The following ACBD6 variants were observed in gnomAD, a reference collection of about 807,000 sequenced individuals.
ACBD6 encodes the protein acyl-CoA binding domain containing 6, also known as acyl-CoA-binding domain-containing protein 6.
A neutral mutation model predicts 37.2 loss-of-function variants in ACBD6; 28 were observed. The observed-to-expected ratio is 0.75, with a 90% CI of 0.56 to 1.03. ACBD6 has a LOEUF of 1.03. Among genes scored for constraint, ACBD6 ranks in the 50% least tolerant of loss-of-function variants. The pLI is 0.00. For synonymous variants in ACBD6, 113 were observed against 126.8 expected, an observed-to-expected ratio of 0.89 and a Z score of 0.73; for missense variants, 340 against 337.4, an observed-to-expected ratio of 1.01 and a Z score of -0.06.
intron 3 of ACBD6, among the ~76,000 whole-genome samples, chr1:180,470,621 C>T (rs1282769327): frequency 6.6e-6 from 1 of 152,142 alleles, no homozygotes; most frequent in African/African-American, 2.4e-5. Flanking sequence ...TCAAACAGTG[C>T]CTAGAAGATC....
intron 3 of ACBD6, among the ~76,000 whole-genome samples, chr1:180,442,994 C>A (rs531416795): frequency 2.3e-3 from 263 of 111,972 alleles, no homozygotes; most frequent in African/African-American, 6.3e-3. Flanking sequence ...TTTTCCTGCC[C>A]CCACTTTTTT....
At chr1:180,423,868 A>G (rs1338321907) in intron 4 of ACBD6, among the ~76,000 whole-genome samples, 2 of 152,220 alleles carry the variant, frequency 1.3e-5, no homozygotes, top group African/African-American at 2.4e-5. Flanking sequence ...AAAAGTCTCT[A>G]CAGAGCTGAG....
rs375229732 is a variant in ACBD6 at position 180,318,169 on chromosome 1, C to A, written c.664-3447G>T. 8.8e-3 allele frequency among the ~76,000 whole-genome samples: 914 copies of A among 103,932 alleles called. 37 individuals are homozygous for A. Among genetic ancestry groups the A allele is most frequent in the African/African-American group, 0.031 (874 of 27,788 alleles). 68.2% of individuals were successfully genotyped at this position (103,932 alleles called of 152,430 possible). ...AGAGTAAGATTCCATCTCCGCCCCC[C>A]CCCCCCAAAAAAAAAAGAAAGAAAG... On this transcript the variant is annotated intron_variant, in intron 6 of 7. Coordinates refer to ENST00000367595, the MANE Select transcript of ACBD6 (RefSeq NM_032360.4).
rs546138019 is a variant in ACBD6 at position 180,380,990 on chromosome 1, A to G, written c.663+16526T>C. The stretch of plus-strand genomic sequence containing the variant: ...TACGAGAAACTCATCTCACCTGTAA[A>G]GACACATACAGCCTGAATATGAGAG... On this transcript the variant is annotated intron_variant, in intron 6 of 7. Coordinates refer to ENST00000367595, the MANE Select transcript of ACBD6 (RefSeq NM_032360.4). 1.1e-3 allele frequency among the ~76,000 whole-genome samples: 172 copies of G among 152,274 alleles called. 1 individual carries two copies. The highest frequency in any genetic ancestry group is 4.0e-3 in the African/African-American group (165 of 41,564).
intron 6 of ACBD6, among the ~76,000 whole-genome samples, chr1:180,343,614 C>T (rs1170473826): frequency 6.6e-6 from 1 of 152,202 alleles, no homozygotes; most frequent in East Asian, 1.9e-4. Flanking sequence ...CTGTCTCCCA[C>T]GACCTCCTTC....
At chr1:180,287,578 CTTTTTTTTTTTTT>C (rs72179174), downstream of ACBD6, among the ~76,000 whole-genome samples, 1 of 71,570 alleles carries the variant, frequency 1.4e-5, no homozygotes, top group Non-Finnish European at 2.8e-5. Flanking sequence ...CAGATCTAAG[CTTTTTTTTTTTTT>C]TTTTTTTTTT....
chr1:180,490,714 A>G (rs1046663339), intron 3 of ACBD6, among the ~76,000 whole-genome samples: 11 of 151,070 alleles, frequency 7.3e-5, no homozygotes, highest in Admixed American at 1.3e-4. Flanking sequence ...GGAACCCAGG[A>G]GGCAGAGCTT....
At chr1:180,455,702 A>G (rs1299966422) in intron 3 of ACBD6, among the ~76,000 whole-genome samples, 2 of 152,208 alleles carry the variant, frequency 1.3e-5, no homozygotes, top group East Asian at 1.9e-4. Flanking sequence ...ATCTAGAGCC[A>G]CTAGATTATG....
chr1:180,491,356 A>G (rs1290910864), intron 3 of ACBD6, among the ~76,000 whole-genome samples: 1 of 152,226 alleles, frequency 6.6e-6, no homozygotes, highest in Non-Finnish European at 1.5e-5. Flanking sequence ...ATATTCTTAA[A>G]TAGTAACCTC....
chr1:180,449,473 G>A (rs1201604963), intron 3 of ACBD6, among the ~76,000 whole-genome samples: 1 of 148,856 alleles, frequency 6.7e-6, no homozygotes, highest in Non-Finnish European at 1.5e-5. Flanking sequence ...TCAGTGGTGT[G>A]ATCTCAGCTC....
rs149104133 is a variant in ACBD6 at position 180,271,018 on chromosome 1, C to G, written c.*2207G>C. 3.7e-3 allele frequency: 1,279 copies of G among 344,950 alleles called. 5 individuals are homozygous for G. The highest frequency in any genetic ancestry group is 4.5e-3 in the Non-Finnish European group (796 of 176,342). The allele number at this position is 344,950 out of a possible 1,614,324, so 21.4% of individuals were successfully genotyped here. On this transcript the variant is annotated 3_prime_UTR_variant, in exon 14 of 14. Coordinates refer to the ACBD6 transcript ENST00000642319. The stretch of plus-strand genomic sequence containing the variant: ...TCAACCTGGCTGTTCACCTTCACAG[C>G]TCTGGCAAGAACTCATGAGGATGTG...
intron 3 of ACBD6, among the ~76,000 whole-genome samples, chr1:180,453,507 C>T (rs541546798): frequency 6.6e-6 from 1 of 152,352 alleles, no homozygotes; most frequent in East Asian, 1.9e-4. Context: ...TGCCCTCTCT[C>T]ACCACTCCTA....
At chr1:180,393,015 T>G (rs1451569501) in intron 6 of ACBD6, among the ~76,000 whole-genome samples, 1 of 152,214 alleles carries the variant, frequency 6.6e-6, no homozygotes, top group Non-Finnish European at 1.5e-5. Context: ...CCTTTTAATG[T>G]GCTTTGGGGG....
At chr1:180,451,545 A>G (rs921136840) in intron 3 of ACBD6, among the ~76,000 whole-genome samples, 11 of 152,256 alleles carry the variant, frequency 7.2e-5, no homozygotes, top group African/African-American at 2.2e-4. Flanking sequence ...CTACTCATCC[A>G]TAAAAAGGAA....
chr1:180,413,401 A>AT lies in ACBD6; in HGVS notation c.537dup (p.Ser180IlefsTer11). The stretch of plus-strand genomic sequence containing the variant: ...TTCACATTCACATCCACATTTTTCG[A>AT]TTTGATGGCTTTGGTTATATGGTCA... On this transcript the variant is annotated frameshift_variant, in exon 5 of 8. Transcript: ENST00000367595. LOFTEE classifies it high-confidence loss of function. 1 of 1,613,530 alleles carries AT rather than the reference A, an allele frequency of 6.2e-7. No homozygotes were observed.
At chr1:180,319,330 CCTCA>C (rs561473339) in intron 6 of ACBD6, among the ~76,000 whole-genome samples, 205 of 152,248 alleles carry the variant, frequency 1.3e-3, no homozygotes, top group African/African-American at 4.6e-3. Context: ...TTTAATTTTT[CCTCA>C]CTGTTTTTCT....
rs193049584 is a variant in ACBD6, at chr1:180,344,066, G to A, written c.664-29344C>T. Among the ~76,000 whole-genome samples, 60 of 152,316 alleles carry A rather than the reference G, an allele frequency of 3.9e-4. No homozygotes were observed. The East Asian group carries it at 8.3e-3, about 21-fold the overall frequency. Reference sequence around the variant, plus strand: ...GGCTCTGTATAGAAGAAGAATTCTAGCTGGTCTGAGAAAGCAATGAAAGGC... The same window carrying A: ...GGCTCTGTATAGAAGAAGAATTCTAACTGGTCTGAGAAAGCAATGAAAGGC... On this transcript the variant is annotated intron_variant, in intron 6 of 7. Coordinates refer to ENST00000367595, the MANE Select transcript of ACBD6 (RefSeq NM_032360.4).
At chr1:180,489,581 G>T (rs1487288239) in intron 3 of ACBD6, among the ~76,000 whole-genome samples, 1 of 150,812 alleles carries the variant, frequency 6.6e-6, no homozygotes, top group Admixed American at 6.6e-5. Context: ...GTTCTGCTTG[G>T]TTTACTCAAG....
chr1:180,368,815 A>G (rs1041187552), intron 6 of ACBD6, among the ~76,000 whole-genome samples: 1 of 152,020 alleles, frequency 6.6e-6, no homozygotes, highest in Non-Finnish European at 1.5e-5. Context: ...TACTGTCATA[A>G]AAGTTATGTG....
Sources: allele counts gnomAD v4.1 joint callset (sites outside exome capture counted in the v4.1 genomes callset), GRCh38; gene constraint gnomAD v4.1.1; transcripts MANE v1.5; gene names NCBI Gene and HGNC (gene_info 2026-07-23, HGNC 2026-07-21).